The following CYTH4 variants were observed in gnomAD, a reference collection of about 807,000 sequenced individuals.
The protein encoded by CYTH4 is cytohesin-4.
In CYTH4, 22 loss-of-function variants were observed where a neutral mutation model predicts 57.5. The ratio of observed to expected loss-of-function variants is 0.38; its 90% CI spans 0.27 to 0.55. The LOEUF (loss-of-function observed/expected upper bound fraction) is 0.55. CYTH4 is among the 20% of genes least tolerant of loss of function. The probability of loss-of-function intolerance (pLI) is 0.74; values close to 1 mark genes in which losing one functional copy is unlikely to be tolerated. For synonymous variants in CYTH4, 186 were observed against 206.5 expected (o/e 0.90, Z 0.85); for missense variants, 420 against 535.6 (o/e 0.78, Z 2.13).
At chr22:37,293,235 C>G (rs967751224) in intron 2 of CYTH4, among the ~76,000 whole-genome samples, 2 of 152,186 alleles carry the variant, frequency 1.3e-5, no homozygotes, top group African/African-American at 4.8e-5. Flanking sequence ...CTGTGCCCAC[C>G]CCCACTCCCA....
chr22:37,285,606 G>A (rs1928528356), intron 1 of CYTH4, among the ~76,000 whole-genome samples: 1 of 152,062 alleles, frequency 6.6e-6, no homozygotes, highest in South Asian at 2.1e-4. Context: ...AGCTACTTGG[G>A]AGGCTGAGGC....
chr22:37,304,394 A>AG (rs963385599), intron 8 of CYTH4: 1 of 404,364 alleles, frequency 2.5e-6, no homozygotes, highest in Admixed American at 2.8e-5. Context: ...ACAGGGAGCC[A>AG]GGGGGTATTC....
chr22:37,303,874 C>T (rs902376442), intron 8 of CYTH4, among the ~76,000 whole-genome samples: 1 of 152,210 alleles, frequency 6.6e-6, no homozygotes, highest in East Asian at 1.9e-4. Context: ...TACCAACCTC[C>T]GGTCGCTTCC....
intron 1 of CYTH4, among the ~76,000 whole-genome samples, chr22:37,286,420 T>C (rs1372309662): frequency 1.3e-5 from 2 of 150,710 alleles, no homozygotes; most frequent in African/African-American, 4.9e-5. Context: ...TCAATGAGAG[T>C]GGATGGGAAG....
intron 4 of CYTH4, 140 bp from the exon 5 acceptor site, chr22:37,297,424 C>A: frequency 3.0e-6 from 2 of 662,616 alleles, no homozygotes; most frequent in Non-Finnish European, 5.1e-6. Flanking sequence ...AAAGAGGGGT[C>A]AAAACTTCCC....
chr22:37,299,965 TG>T, intron 6 of CYTH4: 1 of 691,328 alleles, frequency 1.4e-6, no homozygotes. Flanking sequence ...CACTCCAGCC[TG>T]GGCAACAGAG....
intron 9 of CYTH4, 60 bp downstream of exon 9, chr22:37,309,383 C>T (rs905710195): frequency 4.9e-6 from 7 of 1,440,712 alleles, no homozygotes; most frequent in African/African-American, 4.2e-5. Context: ...GGGCACACAT[C>T]GTTGCATGCA....
At chr22:37,304,084 A>G in intron 8 of CYTH4, 1 of 438,386 alleles carries the variant, frequency 2.3e-6, no homozygotes, top group Non-Finnish European at 4.6e-6. Flanking sequence ...ATCTGCTGTC[A>G]CTGCGGCTGT....
chr22:37,309,910 T>C (rs1929574529), intron 9 of CYTH4: 1 of 417,456 alleles, frequency 2.4e-6, no homozygotes, highest in Non-Finnish European at 5.0e-6. Context: ...GCTGCAGTAA[T>C]AGTGGCTGTA....
At chr22:37,287,521 T>C (rs867260889) in intron 1 of CYTH4, among the ~76,000 whole-genome samples, 2 of 152,202 alleles carry the variant, frequency 1.3e-5, no homozygotes, top group African/African-American at 2.4e-5. Flanking sequence ...CCCAAGGTGA[T>C]TGGTTTTTTC....
At position 37,297,557 on chromosome 22, in the gene CYTH4, C is replaced by G. The variant is rs199693852; in HGVS notation, c.235-7C>G. The G allele has an allele frequency of 1.9e-5, 30 of 1,612,608 alleles. No homozygotes were observed. The South Asian group carries it at 2.2e-4, about 12-fold the overall frequency. On this transcript the variant is annotated splice_polypyrimidine_tract_variant and splice_region_variant and intron_variant, in intron 4 of 12. Coordinates refer to ENST00000248901, the MANE Select transcript of CYTH4 (RefSeq NM_013385.5). ...AGCTGCTCACGGCTTCTGTGTACCC[C>G]CTCCAGGGTATCCAGTATTTCATTG...
rs1407828497 is a variant in CYTH4 at position 37,313,518 on chromosome 22, T to C, written c.*7T>C. 2.5e-6 allele frequency: 4 copies of C among 1,614,078 alleles called. No homozygotes were observed. The highest frequency in any genetic ancestry group is 2.5e-6 in the Non-Finnish European group (3 of 1,179,904). On this transcript the variant is annotated 3_prime_UTR_variant, in exon 13 of 13. Transcript: ENST00000248901. ...GATTGCCAGCAAGCAGTGAGATTCC[T>C]GGAGGTGGCACTGGGGGCTGGTCAC...
chr22:37,310,955 G>A, intron 9 of CYTH4, 33 bp from the exon 10 acceptor site: 2 of 1,612,328 alleles, frequency 1.2e-6, no homozygotes, highest in Non-Finnish European at 1.7e-6. Flanking sequence ...CCAGGAGGAG[G>A]ACTGACCAGC....
intron 12 of CYTH4, 131 bp from the exon 13 acceptor site, chr22:37,313,308 C>T (rs1929717420): frequency 1.2e-6 from 1 of 860,712 alleles, no homozygotes; most frequent in South Asian, 1.5e-5. Flanking sequence ...TTGGGGCCAT[C>T]TGGCCTTTCC....
chr22:37,313,283 C>G (rs1184471524), intron 12 of CYTH4, among the ~76,000 whole-genome samples, 156 bp from the exon 13 acceptor site: 4 of 152,246 alleles, frequency 2.6e-5, no homozygotes, highest in Admixed American at 2.6e-4. Context: ...TGGACTTACC[C>G]TGGCACAGCC....
At chr22:37,282,629 C>T in intron 1 of CYTH4, 41 bp downstream of exon 1, 1 of 1,562,018 alleles carries the variant, frequency 6.4e-7, no homozygotes, top group Non-Finnish European at 8.7e-7. Flanking sequence ...TCAGGGTGCT[C>T]TCTTTTAGAA....
chr22:37,300,625 C>G (rs77231250), intron 6 of CYTH4, among the ~76,000 whole-genome samples: 1 of 152,234 alleles, frequency 6.6e-6, no homozygotes, highest in Admixed American at 6.5e-5. Context: ...CGTCCCCCTT[C>G]CCAGCTGAGG....
At chr22:37,293,764 G>A (rs956781479) in intron 2 of CYTH4, among the ~76,000 whole-genome samples, 1 of 152,176 alleles carries the variant, frequency 6.6e-6, no homozygotes, top group Non-Finnish European at 1.5e-5. Flanking sequence ...GTGGTTGGCA[G>A]GGGGAGGTGT....
At chr22:37,283,519 T>G (rs1361228298) in intron 1 of CYTH4, among the ~76,000 whole-genome samples, 2 of 152,106 alleles carry the variant, frequency 1.3e-5, no homozygotes, top group Non-Finnish European at 2.9e-5. Context: ...CAAACGCACC[T>G]AATGTGGAGC....
Sources: allele counts gnomAD v4.1 joint callset (sites outside exome capture counted in the v4.1 genomes callset), GRCh38; gene constraint gnomAD v4.1.1; transcripts MANE v1.5; gene names NCBI Gene and HGNC (gene_info 2026-07-23, HGNC 2026-07-21).